Variants in FRMD6 observed in about 807,000 individuals in gnomAD.
FRMD6 encodes the protein FERM domain-containing protein 6.
In FRMD6, 37 loss-of-function variants were observed where a neutral mutation model predicts 73.2. The ratio of observed to expected loss-of-function variants is 0.51; its 90% CI spans 0.39 to 0.66. The LOEUF is 0.66. FRMD6 is among the 30% of genes least tolerant of loss of function. The pLI is 0.00. For missense variants in FRMD6, 714 were observed against 780.5 expected (o/e 0.91, Z 1.02); for synonymous variants, 273 against 282.2 (o/e 0.97, Z 0.33).
intron 2 of FRMD6, among the ~76,000 whole-genome samples, chr14:51,617,023 A>G (rs1890742986): frequency 6.6e-6 from 1 of 152,222 alleles, no homozygotes; most frequent in Non-Finnish European, 1.5e-5. Flanking sequence ...TAAGATGGGT[A>G]TAGCTTTCCC....
intron 9 of FRMD6, 72 bp from the exon 10 acceptor site, chr14:51,715,253 T>C (rs1200999063): frequency 1.7e-6 from 2 of 1,174,534 alleles, no homozygotes; most frequent in Non-Finnish European, 2.3e-6. Context: ...CCTTACTAAA[T>C]AGGAAACAAA....
intron 10 of FRMD6, 101 bp downstream of exon 10, chr14:51,715,600 G>T: frequency 6.4e-6 from 6 of 933,780 alleles, no homozygotes; most frequent in Non-Finnish European, 9.5e-6. Context: ...TGGATTTTGG[G>T]ACTGGGACAC....
intron 5 of FRMD6, 64 bp downstream of exon 5, chr14:51,702,652 C>G: frequency 8.1e-7 from 1 of 1,240,294 alleles, no homozygotes; most frequent in Non-Finnish European, 1.2e-6. Flanking sequence ...TCTAACATAC[C>G]AAATAAGTTA....
chr14:51,403,347 G>C, the FRMD6 span, among the ~76,000 whole-genome samples: 1 of 152,066 alleles, frequency 6.6e-6, no homozygotes, highest in Admixed American at 6.6e-5. Context: ...AGTTTTACCT[G>C]TATTTGAACT....
At chr14:51,413,221 A>G in the FRMD6 span, among the ~76,000 whole-genome samples, 1 of 152,132 alleles carries the variant, frequency 6.6e-6, no homozygotes, top group East Asian at 1.9e-4. Context: ...CAGGTTTGTT[A>G]CATAGGTATG....
At chr14:51,623,253 G>T (rs1890996623) in intron 2 of FRMD6, among the ~76,000 whole-genome samples, 1 of 152,172 alleles carries the variant, frequency 6.6e-6, no homozygotes, top group African/African-American at 2.4e-5. Context: ...TGGAATTCTT[G>T]ATCATATGTT....
chr14:51,536,121 G>A (rs1161815990), intron 1 of FRMD6, among the ~76,000 whole-genome samples: 2 of 147,608 alleles, frequency 1.4e-5, no homozygotes, highest in Admixed American at 6.8e-5. Context: ...GAGAAACAGG[G>A]TCTCACCCTG....
chr14:51,611,762 C>T (rs1180461346), intron 2 of FRMD6, among the ~76,000 whole-genome samples: 1 of 152,200 alleles, frequency 6.6e-6, no homozygotes, highest in African/African-American at 2.4e-5. Context: ...TGCTGTCATA[C>T]TACCAACTTG....
At chr14:51,518,536 A>G (rs1424671585) in intron 1 of FRMD6, among the ~76,000 whole-genome samples, 1 of 152,242 alleles carries the variant, frequency 6.6e-6, no homozygotes, top group Non-Finnish European at 1.5e-5. Context: ...GGAGTCAGTG[A>G]GAAAACGCAT....
chr14:51,605,213 A>T (rs186526839), intron 2 of FRMD6, among the ~76,000 whole-genome samples: 254 of 138,814 alleles, frequency 1.8e-3, no homozygotes, highest in African/African-American at 5.9e-3. Context: ...GTCATAGGAC[A>T]ATAGTGGAGG....
At chr14:51,681,917 A>AT (rs920156641) in intron 1 of FRMD6, among the ~76,000 whole-genome samples, 25 of 152,244 alleles carry the variant, frequency 1.6e-4, no homozygotes, top group East Asian at 5.8e-4. Flanking sequence ...CAGTAAAAGC[A>AT]TTTTTTTACA....
At chr14:51,507,081 TAGACACAC>T (rs1312304634) in intron 1 of FRMD6, among the ~76,000 whole-genome samples, 3 of 120,310 alleles carry the variant, frequency 2.5e-5, no homozygotes, top group African/African-American at 9.2e-5. Flanking sequence ...ATTGGTTGTA[TAGACACAC>T]ACACACACAC....
chr14:51,725,571 A>G (rs1209338018), intron 12 of FRMD6, among the ~76,000 whole-genome samples: 1 of 152,224 alleles, frequency 6.6e-6, no homozygotes, highest in Non-Finnish European at 1.5e-5. Context: ...CTCTAACCCT[A>G]CTTTGACTCA....
chr14:51,567,873 T>C (rs10873050), intron 1 of FRMD6, among the ~76,000 whole-genome samples: 62,094 of 152,138 alleles, frequency 0.41, 12,929 homozygotes, highest in East Asian at 0.53. Flanking sequence ...CTTTTATAGC[T>C]ATCTCAAAGC....
the FRMD6 span, among the ~76,000 whole-genome samples, chr14:51,482,826 G>C: frequency 6.6e-6 from 1 of 151,790 alleles, no homozygotes; most frequent in East Asian, 1.9e-4. Flanking sequence ...TCAGCCTCCC[G>C]AGTAGCTGGG....
the FRMD6 span, among the ~76,000 whole-genome samples, chr14:51,434,104 G>T: frequency 6.6e-6 from 1 of 152,104 alleles, no homozygotes; most frequent in Non-Finnish European, 1.5e-5. Flanking sequence ...AATAAGGAAG[G>T]GGGAGGAAGC....
chr14:51,439,084 C>A, the FRMD6 span, among the ~76,000 whole-genome samples: 185 of 152,290 alleles, frequency 1.2e-3, 1 homozygote, highest in African/African-American at 4.3e-3. Context: ...AGTATAATAG[C>A]TGAAATTAAA....
intron 1 of FRMD6, among the ~76,000 whole-genome samples, chr14:51,541,524 A>G (rs1310881500): frequency 1.3e-5 from 2 of 152,074 alleles, no homozygotes; most frequent in Non-Finnish European, 2.9e-5. Context: ...GGGGTAGGGT[A>G]AGGAGGTGGA....
At chr14:51,447,041 T>C in the FRMD6 span, among the ~76,000 whole-genome samples, 1 of 152,204 alleles carries the variant, frequency 6.6e-6, no homozygotes, top group Non-Finnish European at 1.5e-5. Context: ...GAGACTTCAA[T>C]ACTTTATAAT....
Sources: allele counts gnomAD v4.1 joint callset (sites outside exome capture counted in the v4.1 genomes callset), GRCh38; gene constraint gnomAD v4.1.1; transcripts MANE v1.5; gene names NCBI Gene and HGNC (gene_info 2026-07-23, HGNC 2026-07-21).